The following CCBE1 variants were observed in gnomAD, a reference collection of about 807,000 sequenced individuals.
The protein encoded by CCBE1 is collagen and calcium binding EGF domains 1, also known as collagen and calcium-binding EGF domain-containing protein 1.
A neutral mutation model predicts 50.0 loss-of-function variants in CCBE1; 37 were observed. That is an observed-to-expected ratio of 0.74 (90% CI 0.57 to 0.97). CCBE1 has a LOEUF of 0.97. CCBE1 is among the 50% of genes least tolerant of loss of function. The pLI, the probability that CCBE1 is intolerant of heterozygous loss-of-function variation, is 0.00. For synonymous variants in CCBE1, 234 were observed against 203.7 expected (o/e 1.15, Z -1.27); for missense variants, 538 against 523.8 (o/e 1.03, Z -0.26).
At chr18:59,471,748 CA>C (rs1912045927) in intron 3 of CCBE1, among the ~76,000 whole-genome samples, 1 of 152,218 alleles carries the variant, frequency 6.6e-6, no homozygotes, top group African/African-American at 2.4e-5. Flanking sequence ...CATAGAGACA[CA>C]GACAGATACA....
chr18:59,634,042 A>T (rs1476365874), intron 2 of CCBE1, among the ~76,000 whole-genome samples: 7 of 152,226 alleles, frequency 4.6e-5, no homozygotes, highest in Non-Finnish European at 2.9e-5. Flanking sequence ...CTTCTCAGAA[A>T]TTGGGGTCTC....
chr18:59,668,123 T>C (rs1415695380), intron 2 of CCBE1, among the ~76,000 whole-genome samples: 1 of 152,134 alleles, frequency 6.6e-6, no homozygotes, highest in Admixed American at 6.6e-5. Flanking sequence ...ACTTAAAGTA[T>C]AATTTAAAAA....
intron 2 of CCBE1, among the ~76,000 whole-genome samples, chr18:59,632,781 A>ATTTTAT (rs1555700745): frequency 2.0e-5 from 3 of 146,714 alleles, no homozygotes; most frequent in Non-Finnish European, 4.5e-5. Context: ...GTTTTATTTT[A>ATTTTAT]TTTTTTTAAT....
At chr18:59,443,232 C>T (rs562053562) in intron 7 of CCBE1, among the ~76,000 whole-genome samples, 8 of 152,262 alleles carry the variant, frequency 5.3e-5, no homozygotes, top group South Asian at 4.2e-4. Context: ...GGGTTAGCGG[C>T]GCTTCCCCAC....
chr18:59,462,502 C>A (rs1341707694), intron 5 of CCBE1: 1 of 152,126 alleles, frequency 6.6e-6, no homozygotes, highest in South Asian at 2.1e-4. Context: ...CCTCCCACCT[C>A]AGCCTCCTGA....
intron 2 of CCBE1, among the ~76,000 whole-genome samples, chr18:59,493,991 C>T (rs1460830917): frequency 6.6e-6 from 1 of 152,174 alleles, no homozygotes; most frequent in Non-Finnish European, 1.5e-5. Flanking sequence ...TCCTCCTTGC[C>T]TTCCACCATG....
At chr18:59,577,646 T>C (rs1169521894) in intron 2 of CCBE1, among the ~76,000 whole-genome samples, 15 of 152,198 alleles carry the variant, frequency 9.9e-5, no homozygotes, top group African/African-American at 3.6e-4. Flanking sequence ...TGCCTGTACA[T>C]AGGCACACAC....
At chr18:59,513,555 G>A (rs909397509) in intron 2 of CCBE1, among the ~76,000 whole-genome samples, 7 of 152,204 alleles carry the variant, frequency 4.6e-5, no homozygotes, top group Admixed American at 6.5e-5. Flanking sequence ...GAGGCAGGTG[G>A]CAGGACAGGT....
intron 2 of CCBE1, among the ~76,000 whole-genome samples, chr18:59,543,475 G>GA (rs1915548481): frequency 6.6e-6 from 1 of 152,118 alleles, no homozygotes; most frequent in Non-Finnish European, 1.5e-5. Flanking sequence ...GTGCAACTTA[G>GA]AAAAAATGAT....
intron 2 of CCBE1, among the ~76,000 whole-genome samples, chr18:59,627,689 C>T (rs985924606): frequency 2.0e-5 from 3 of 152,248 alleles, no homozygotes; most frequent in African/African-American, 4.8e-5. Context: ...TCAAGGAACG[C>T]CAAAGCTTGT....
upstream of CCBE1, chr18:59,697,640 C>T: frequency 2.6e-6 from 1 of 379,770 alleles, no homozygotes; most frequent in Non-Finnish European, 4.8e-6. Flanking sequence ...CGTTCACGTC[C>T]GATTGACAGA....
chr18:59,562,053 G>C (rs138649946), intron 2 of CCBE1, among the ~76,000 whole-genome samples: 1 of 152,290 alleles, frequency 6.6e-6, no homozygotes, highest in East Asian at 1.9e-4. Flanking sequence ...GAGAAGATAG[G>C]TCTAGGTTTA....
At chr18:59,600,484 C>T (rs1454213038) in intron 2 of CCBE1, among the ~76,000 whole-genome samples, 2 of 152,104 alleles carry the variant, frequency 1.3e-5, no homozygotes, top group African/African-American at 2.4e-5. Context: ...AACCATCCCC[C>T]ACCTCTGGTC....
chr18:59,494,804 A>AAGGCAGGGCG (rs941891583), intron 2 of CCBE1, among the ~76,000 whole-genome samples: 2 of 151,994 alleles, frequency 1.3e-5, no homozygotes, highest in African/African-American at 4.8e-5. Flanking sequence ...AAGGCAGGGC[A>AAGGCAGGGCG]TGGAGCTCTA....
chr18:59,524,751 C>T (rs1390994092), intron 2 of CCBE1, among the ~76,000 whole-genome samples: 5 of 66,004 alleles, frequency 7.6e-5, no homozygotes, highest in Non-Finnish European at 1.7e-4. Context: ...GATGCTCTCC[C>T]ACACCCCTCG....
intron 2 of CCBE1, among the ~76,000 whole-genome samples, chr18:59,591,591 G>A (rs1319701558): frequency 6.6e-6 from 1 of 152,168 alleles, no homozygotes; most frequent in African/African-American, 2.4e-5. Flanking sequence ...GATCTTAAGT[G>A]TGTTAAGAGA....
chr18:59,646,455 C>A (rs146943655), intron 2 of CCBE1, among the ~76,000 whole-genome samples: 3 of 152,278 alleles, frequency 2.0e-5, no homozygotes, highest in African/African-American at 7.2e-5. Flanking sequence ...TCTAGAGGAG[C>A]CATGGCTGCA....
chr18:59,564,581 A>G (rs2052790637), intron 2 of CCBE1, among the ~76,000 whole-genome samples: 3 of 152,258 alleles, frequency 2.0e-5, no homozygotes, highest in South Asian at 2.1e-4. Context: ...GAAGGTATCT[A>G]TTACTAACTG....
intron 2 of CCBE1, among the ~76,000 whole-genome samples, chr18:59,577,621 T>A (rs891059173): frequency 2.0e-5 from 3 of 152,182 alleles, no homozygotes; most frequent in African/African-American, 7.2e-5. Flanking sequence ...AGCAGAGGTA[T>A]AAAAGACAAA....
Sources: allele counts gnomAD v4.1 joint callset (sites outside exome capture counted in the v4.1 genomes callset), GRCh38; gene constraint gnomAD v4.1.1; transcripts MANE v1.5; gene names NCBI Gene and HGNC (gene_info 2026-07-23, HGNC 2026-07-21).